MEI4: variants seen among roughly 807,000 people sequenced by gnomAD.
MEI4 encodes the protein meiotic double-stranded break formation protein 4.
In MEI4, 27 loss-of-function variants were observed where a neutral mutation model predicts 31.4. That is an observed-to-expected ratio of 0.86 (90% confidence interval 0.63 to 1.19). The LOEUF is 1.19. Ranked by LOEUF, MEI4 falls within the 50% of genes most tolerant of loss-of-function variation. MEI4 has a pLI of 0.00. For missense variants in MEI4, 329 were observed against 398.9 expected (o/e 0.82, Z 1.49); for synonymous variants, 122 against 145.4 (o/e 0.84, Z 1.16).
chr6:77,793,385 G>A (rs1768991076), intron 3 of MEI4, among the ~76,000 whole-genome samples: 1 of 152,176 alleles, frequency 6.6e-6, no homozygotes, highest in Admixed American at 6.5e-5. Flanking sequence ...TACAAGAAAT[G>A]CTATAGGGCG....
intron 2 of MEI4, among the ~76,000 whole-genome samples, chr6:77,744,558 CA>C: frequency 6.6e-6 from 1 of 152,202 alleles, no homozygotes; most frequent in South Asian, 2.1e-4. Context: ...GGATATTATC[CA>C]GGAGAACTTC....
At chr6:77,726,096 C>T (rs1248668834) in intron 2 of MEI4, among the ~76,000 whole-genome samples, 1 of 110,014 alleles carries the variant, frequency 9.1e-6, no homozygotes, top group Admixed American at 1.0e-4. Context: ...TTTTGTGTCC[C>T]TGGGTACTTG....
intron 2 of MEI4, among the ~76,000 whole-genome samples, chr6:77,744,131 C>T (rs572065505): frequency 8.5e-5 from 13 of 152,226 alleles, no homozygotes; most frequent in South Asian, 4.1e-4. Context: ...ATGACTTTGA[C>T]GAGTTGAGAG....
rs1316895535 is a variant in MEI4 at position 77,917,309 on chromosome 6, T to C, written c.901-5780T>C. ...CCAGTAATGGGATGGCTGGGTCAAA[T>C]GGTATTTCTAGTTCTAGATCCCTGA... On this transcript the variant is annotated intron_variant, in intron 4 of 4. Transcript: ENST00000684080. Among the ~76,000 whole-genome samples the C allele has an allele frequency of 3.3e-5, 5 of 150,002 alleles. No individual in the cohort carries two copies. The East Asian group carries it at 8.0e-4, about 24-fold the overall frequency.
rs1016752389 is a variant in MEI4, at chr6:77,732,680, G to A, written c.233-28450G>A. On this transcript the variant is annotated intron_variant, in intron 2 of 4. Coordinates refer to ENST00000684080, the MANE Select transcript of MEI4 (RefSeq NM_001322247.2). Reference sequence around the variant, plus strand: ...CAACACTATGTTGAATAGGAGTGGTGAGAGAGGGCATCCCTGTCTTGTGCC... The same window carrying A: ...CAACACTATGTTGAATAGGAGTGGTAAGAGAGGGCATCCCTGTCTTGTGCC... 1.2e-3 allele frequency among the ~76,000 whole-genome samples: 182 copies of A among 152,182 alleles called. 2 individuals are homozygous for A. Among genetic ancestry groups the A allele is most frequent in the African/African-American group, 4.2e-3 (172 of 41,432 alleles).
chr6:77,834,328 TTAG>T (rs1770155730), intron 4 of MEI4, among the ~76,000 whole-genome samples: 1 of 149,812 alleles, frequency 6.7e-6, no homozygotes, highest in Non-Finnish European at 1.5e-5. Context: ...AAATCAAAAA[TTAG>T]TATAATTTTC....
At position 77,851,629 on chromosome 6, in the gene MEI4, G is replaced by T. The variant is rs568405282; in HGVS notation, c.900+22567G>T. 3.6e-4 allele frequency among the ~76,000 whole-genome samples: 38 copies of T among 107,032 alleles called. 1 individual carries two copies. The South Asian group carries it at 0.013, about 37-fold the overall frequency. The allele number at this position is 107,032 out of a possible 152,430, so 70.2% of individuals were successfully genotyped here. The stretch of plus-strand genomic sequence containing the variant: ...AGGGGAACATCACATACTGGGGCCT[G>T]TTTTGGGGTGGGGGGAGGGGGGAGG... On this transcript the variant is annotated intron_variant, in intron 4 of 4. Transcript: ENST00000684080.
chr6:77,747,895 G>T (rs1368697504), intron 2 of MEI4, among the ~76,000 whole-genome samples: 1 of 152,200 alleles, frequency 6.6e-6, no homozygotes, highest in Non-Finnish European at 1.5e-5. Context: ...TTGGGTAAAT[G>T]CTCCTGTTCC....
chr6:77,790,976 A>C (rs374741918), intron 3 of MEI4, among the ~76,000 whole-genome samples: 4 of 152,274 alleles, frequency 2.6e-5, no homozygotes, highest in African/African-American at 9.6e-5. Context: ...TCAAAACCAC[A>C]ATGAGATACC....
chr6:77,884,123 T>C (rs1487688998), intron 4 of MEI4, among the ~76,000 whole-genome samples: 1 of 152,158 alleles, frequency 6.6e-6, no homozygotes, highest in Non-Finnish European at 1.5e-5. Flanking sequence ...GTTGCATATT[T>C]TTCCTTATAC....
At chr6:77,850,229 C>T (rs547087077) in intron 4 of MEI4, among the ~76,000 whole-genome samples, 22 of 152,252 alleles carry the variant, frequency 1.4e-4, no homozygotes, top group African/African-American at 5.3e-4. Context: ...TTTATAGATT[C>T]AATGCCATCC....
Position 77,923,642 on chromosome 6 carries a change from G to C in MEI4, c.*296G>C. The C allele has an allele frequency of 5.3e-6, 1 of 189,306 alleles. No homozygotes were observed. Among genetic ancestry groups the C allele is most frequent in the Non-Finnish European group, 1.1e-5 (1 of 93,222 alleles). The allele number at this position is 189,306 out of a possible 1,614,324, so 11.7% of individuals were successfully genotyped here. A position where few individuals can be genotyped will look rare whatever the true frequency, so the allele number is the denominator to read the frequency against. ...TATTCTGTAAAATGGACCATTAATT[G>C]TCTGTCCCTTAAAAGATATTGAAGT... is the stretch of plus-strand genomic sequence containing the variant. On this transcript the variant is annotated 3_prime_UTR_variant, in exon 5 of 5. Transcript: ENST00000684080.
intron 4 of MEI4, among the ~76,000 whole-genome samples, chr6:77,897,145 G>A (rs1466234959): frequency 6.6e-6 from 1 of 151,958 alleles, no homozygotes; most frequent in Non-Finnish European, 1.5e-5. Context: ...ACTGAACTGG[G>A]ATTTAATAAA....
At chr6:77,693,677 G>C (rs1185013917) in intron 2 of MEI4, among the ~76,000 whole-genome samples, 1 of 151,968 alleles carries the variant, frequency 6.6e-6, no homozygotes, top group Non-Finnish European at 1.5e-5. Context: ...GATAAATGGA[G>C]TAACTGTTAA....
chr6:77,786,411 G>A (rs1445117013), intron 3 of MEI4, among the ~76,000 whole-genome samples: 1 of 151,982 alleles, frequency 6.6e-6, no homozygotes, highest in Non-Finnish European at 1.5e-5. Context: ...GAATCTAAGT[G>A]GGGATCATGT....
At chr6:77,734,640 T>G (rs1226395395) in intron 2 of MEI4, among the ~76,000 whole-genome samples, 2 of 152,054 alleles carry the variant, frequency 1.3e-5, no homozygotes, top group Non-Finnish European at 2.9e-5. Context: ...CATTTACATT[T>G]AAAGTTAATA....
chr6:77,893,894 A>C (rs1372657809), intron 4 of MEI4, among the ~76,000 whole-genome samples: 1 of 152,148 alleles, frequency 6.6e-6, no homozygotes, highest in Non-Finnish European at 1.5e-5. Context: ...TAAGCTTTTT[A>C]TATTACATAT....
chr6:77,755,413 T>A (rs1376254916), intron 2 of MEI4, among the ~76,000 whole-genome samples: 1 of 151,998 alleles, frequency 6.6e-6, no homozygotes, highest in Non-Finnish European at 1.5e-5. Context: ...GTAGGTTTTG[T>A]TTATTCATAC....
intron 2 of MEI4, among the ~76,000 whole-genome samples, chr6:77,700,888 A>T (rs558351840): frequency 6.6e-6 from 1 of 152,322 alleles, no homozygotes; most frequent in East Asian, 1.9e-4. Flanking sequence ...TGATTATATA[A>T]TGTCACATTT....
Sources: gnomAD v4.1 joint callset for allele counts (sites outside exome capture counted in the v4.1 genomes callset) on GRCh38, gnomAD v4.1.1 for gene constraint, MANE v1.5 for transcripts, NCBI Gene and HGNC (gene_info 2026-07-23, HGNC 2026-07-21) for gene names.